The following KCNMA1 variants were observed in gnomAD, a reference collection of about 807,000 sequenced individuals.
KCNMA1 encodes potassium calcium-activated channel subfamily M alpha 1, also known as Calcium-activated potassium channel subunit alpha-1.
Under a neutral mutation model 140.0 loss-of-function variants are expected in KCNMA1, and 29 were observed. That is an observed-to-expected ratio of 0.21 (90% CI 0.15 to 0.28). The LOEUF (loss-of-function observed/expected upper bound fraction) is 0.28. KCNMA1 is among the 10% of genes least tolerant of loss of function. KCNMA1 has a pLI of 1.00. For synonymous variants in KCNMA1, 612 were observed against 611.9 expected (o/e 1.00, Z 0.00); for missense variants, 880 against 1,602.2 (o/e 0.55, Z 7.70).
intron 1 of KCNMA1, among the ~76,000 whole-genome samples, chr10:77,580,820 G>A (rs1425643400): frequency 1.3e-5 from 2 of 152,168 alleles, no homozygotes; most frequent in East Asian, 3.8e-4. Context: ...AAGAAGCTGT[G>A]AATTTCTGAC....
intron 3 of KCNMA1, among the ~76,000 whole-genome samples, chr10:77,242,356 G>A (rs770306905): frequency 8.5e-5 from 13 of 152,218 alleles, no homozygotes; most frequent in South Asian, 4.1e-4. Context: ...TGACTTTAGC[G>A]TATACTGAAA....
At chr10:77,507,083 T>A (rs187759209) in intron 1 of KCNMA1, among the ~76,000 whole-genome samples, 1 of 152,310 alleles carries the variant, frequency 6.6e-6, no homozygotes, top group East Asian at 1.9e-4. Context: ...GTGCTCTGTT[T>A]CCCAAATGGG....
intron 1 of KCNMA1, among the ~76,000 whole-genome samples, chr10:77,560,052 G>C (rs1027257852): frequency 6.6e-6 from 1 of 151,960 alleles, no homozygotes; most frequent in Non-Finnish European, 1.5e-5. Context: ...GCGTGGTGGC[G>C]GGTGCCTGTA....
intron 1 of KCNMA1, among the ~76,000 whole-genome samples, chr10:77,531,245 T>C (rs762387890): frequency 2.8e-4 from 43 of 152,222 alleles, no homozygotes; most frequent in Non-Finnish European, 4.3e-4. Flanking sequence ...AGTCAAGAGA[T>C]TGTAAATAAT....
intron 23 of KCNMA1, among the ~76,000 whole-genome samples, chr10:76,936,617 A>T (rs114744748): frequency 0.01 from 1,582 of 152,250 alleles, 24 homozygotes; most frequent in African/African-American, 0.033. Flanking sequence ...AGCTGAAAAA[A>T]TTCTTCTCTG....
chr10:77,266,752 T>A (rs2063559717), intron 2 of KCNMA1, among the ~76,000 whole-genome samples: 1 of 152,212 alleles, frequency 6.6e-6, no homozygotes, highest in South Asian at 2.1e-4. Context: ...ATTGTAGTCA[T>A]GAGTTTTCTT....
At chr10:77,603,723 G>C (rs1567815001) in intron 1 of KCNMA1, among the ~76,000 whole-genome samples, 1 of 152,068 alleles carries the variant, frequency 6.6e-6, no homozygotes, top group Non-Finnish European at 1.5e-5. Flanking sequence ...CCACAACCCA[G>C]CCCCCAGGGC....
At chr10:77,097,676 G>A (rs969357434) in intron 9 of KCNMA1, among the ~76,000 whole-genome samples, 3 of 152,048 alleles carry the variant, frequency 2.0e-5, no homozygotes, top group African/African-American at 7.2e-5. Context: ...CCCAAACCCT[G>A]ACTATCACCA....
chr10:77,549,062 C>T (rs775085931), intron 1 of KCNMA1, among the ~76,000 whole-genome samples: 10 of 152,190 alleles, frequency 6.6e-5, no homozygotes, highest in Non-Finnish European at 1.3e-4. Context: ...AGCAGACCTG[C>T]TGGGAACACA....
intron 20 of KCNMA1, among the ~76,000 whole-genome samples, chr10:76,956,851 G>T (rs537338278): frequency 1.3e-5 from 2 of 152,124 alleles, no homozygotes; most frequent in African/African-American, 4.8e-5. Flanking sequence ...GGCCGGGCGT[G>T]GTGGCTCAGG....
intron 2 of KCNMA1, among the ~76,000 whole-genome samples, chr10:77,291,891 G>A (rs1235743298): frequency 6.6e-6 from 1 of 152,178 alleles, no homozygotes; most frequent in Non-Finnish European, 1.5e-5. Flanking sequence ...AGGGGCACCA[G>A]TTAAGGATCA....
intron 1 of KCNMA1, among the ~76,000 whole-genome samples, chr10:77,465,378 T>C (rs2097970922): frequency 6.6e-6 from 1 of 152,164 alleles, no homozygotes; most frequent in African/African-American, 2.4e-5. Flanking sequence ...TCCTTCTGGC[T>C]CCAGGATGGC....
At chr10:77,053,244 C>A (rs1026339465) in intron 14 of KCNMA1, among the ~76,000 whole-genome samples, 7 of 152,214 alleles carry the variant, frequency 4.6e-5, no homozygotes, top group African/African-American at 1.7e-4. Flanking sequence ...CATTGCAGCA[C>A]ACAGCTGTTC....
intron 20 of KCNMA1, among the ~76,000 whole-genome samples, chr10:76,956,608 C>A (rs1252030988): frequency 6.6e-6 from 1 of 152,102 alleles, no homozygotes; most frequent in African/African-American, 2.4e-5. Context: ...ATCCCCTATT[C>A]TGAGCATGGA....
At chr10:77,109,760 G>C (rs1459460134) in intron 8 of KCNMA1, among the ~76,000 whole-genome samples, 2 of 152,154 alleles carry the variant, frequency 1.3e-5, no homozygotes, top group Admixed American at 6.5e-5. Context: ...GAACATAAAG[G>C]GGAAGGGAGA....
chr10:77,411,192 G>C (rs942221283), intron 1 of KCNMA1, among the ~76,000 whole-genome samples: 6 of 151,886 alleles, frequency 4.0e-5, no homozygotes, highest in African/African-American at 1.5e-4. Flanking sequence ...AGTAGAGATG[G>C]GGGTTTCACC....
chr10:76,976,967 G>T (rs963193242), intron 19 of KCNMA1, among the ~76,000 whole-genome samples: 2 of 152,160 alleles, frequency 1.3e-5, no homozygotes, highest in Admixed American at 6.5e-5. Flanking sequence ...GAATGGGAAG[G>T]TACTAGGAGA....
chr10:76,906,439 G>A (rs947345952), intron 25 of KCNMA1, among the ~76,000 whole-genome samples: 1 of 152,220 alleles, frequency 6.6e-6, no homozygotes, highest in African/African-American at 2.4e-5. Context: ...GGCCATGTCT[G>A]TAACATCCTG....
chr10:77,110,357 G>C lies in KCNMA1; in HGVS notation c.961-14C>G, dbSNP rs746697556. ...TGAATTCTCCACCTAAAGCAAATGG[G>C]ACAGGGGAGAAAAAAGAAAAACATG... On this transcript the variant is annotated splice_polypyrimidine_tract_variant and intron_variant, in intron 7 of 27. Transcript: ENST00000286628. 4 of 1,610,680 alleles carry C rather than the reference G, an allele frequency of 2.5e-6. No individual in the cohort carries two copies. In the East Asian group the frequency reaches 8.9e-5, roughly 36 times the overall value.
Sources: allele counts gnomAD v4.1 joint callset (sites outside exome capture counted in the v4.1 genomes callset), GRCh38; gene constraint gnomAD v4.1.1; transcripts MANE v1.5; gene names NCBI Gene and HGNC (gene_info 2026-07-23, HGNC 2026-07-21).